TAFA5: variants seen among roughly 807,000 people sequenced by gnomAD.
TAFA5 encodes chemokine-like protein TAFA-5.
A neutral mutation model predicts 15.3 loss-of-function variants in TAFA5; 6 were observed. The ratio of observed to expected loss-of-function variants is 0.39; its 90% confidence interval spans 0.21 to 0.77. The LOEUF (loss-of-function observed/expected upper bound fraction) is 0.77, where lower values mean the gene tolerates loss of function less well. TAFA5 is among the 30% of genes least tolerant of loss of function. The pLI, the probability that TAFA5 is intolerant of heterozygous loss-of-function variation, is 0.41. For synonymous variants in TAFA5, 103 were observed against 80.7 expected (o/e 1.28, Z -1.48); for missense variants, 161 against 193.1 (o/e 0.83, Z 0.98).
At chr22:48,677,024 C>A (rs1292076113) in intron 2 of TAFA5, among the ~76,000 whole-genome samples, 1 of 152,222 alleles carries the variant, frequency 6.6e-6, no homozygotes, top group South Asian at 2.1e-4. Flanking sequence ...GTGGAGGACG[C>A]CCCTGCCTGG....
intron 3 of TAFA5, among the ~76,000 whole-genome samples, chr22:48,721,904 G>A (rs1929580179): frequency 6.6e-6 from 1 of 152,170 alleles, no homozygotes; most frequent in Non-Finnish European, 1.5e-5. Flanking sequence ...TTGAACCTAG[G>A]AGGCGGAGGC....
intron 1 of TAFA5, among the ~76,000 whole-genome samples, chr22:48,596,895 A>C (rs559277282): frequency 6.6e-6 from 1 of 152,182 alleles, no homozygotes; most frequent in East Asian, 1.9e-4. Flanking sequence ...TGCAGCCTTC[A>C]CCTCCCAGCT....
chr22:48,595,440 C>A (rs746995135), intron 1 of TAFA5, among the ~76,000 whole-genome samples: 2 of 152,190 alleles, frequency 1.3e-5, no homozygotes, highest in Non-Finnish European at 2.9e-5. Context: ...TGGAAGAGGT[C>A]GGGGAAGTGG....
chr22:48,491,120 C>T (rs1388534747), intron 1 of TAFA5, among the ~76,000 whole-genome samples: 4 of 152,202 alleles, frequency 2.6e-5, no homozygotes, highest in African/African-American at 9.6e-5. Flanking sequence ...ACGAGGCCAC[C>T]GTGGGTGCGC....
In TAFA5 at chr22:48,708,514, C is replaced by T. The variant is rs181157404; in HGVS notation, c.390+670C>T. On this transcript the variant is annotated intron_variant, in intron 3 of 3. Transcript: ENST00000402357. Reference sequence around the variant, plus strand: ...GAAGGCGGCGCCTCCAGGCATGCCACGGATGCTGAGGCGGTTTCCCCTGCA... The same window carrying T: ...GAAGGCGGCGCCTCCAGGCATGCCATGGATGCTGAGGCGGTTTCCCCTGCA... Among the ~76,000 whole-genome samples, 842 of 152,312 alleles carry T rather than the reference C, an allele frequency of 5.5e-3. 3 individuals carry two copies. Among genetic ancestry groups the T allele is most frequent in the Non-Finnish European group, 9.4e-3 (639 of 68,024 alleles).
chr22:48,668,678 G>T (rs1218520001), intron 2 of TAFA5, among the ~76,000 whole-genome samples: 3 of 130,752 alleles, frequency 2.3e-5, no homozygotes, highest in African/African-American at 9.2e-5. Flanking sequence ...ACCGGGAGCT[G>T]TAATCCCCCA....
chr22:48,681,254 C>T (rs545677899), intron 2 of TAFA5, among the ~76,000 whole-genome samples: 14 of 152,230 alleles, frequency 9.2e-5, no homozygotes, highest in Admixed American at 8.5e-4. Flanking sequence ...AGTTTCCCCC[C>T]AATTAGGAGA....
At chr22:48,596,243 C>T (rs970890773) in intron 1 of TAFA5, among the ~76,000 whole-genome samples, 2 of 152,334 alleles carry the variant, frequency 1.3e-5, no homozygotes, top group South Asian at 2.1e-4. Flanking sequence ...TGAAGAGACG[C>T]GGCCTTCTGG....
rs572277772 is a variant in TAFA5 at position 48,717,345 on chromosome 22, GACATCCCAGGAGGAGCCCTGC to G, written c.390+9525_390+9545del. Among the ~76,000 whole-genome samples, 83 of 152,268 alleles carry G rather than the reference GACATCCCAGGAGGAGCCCTGC, an allele frequency of 5.5e-4. 1 individual carries two copies. Among genetic ancestry groups the G allele is most frequent in the Middle Eastern group, 6.8e-3 (2 of 294 alleles). On this transcript the variant is annotated intron_variant, in intron 3 of 3. Transcript: ENST00000402357. ...GCAGGAAGAACAGGCTCCAGCCCTG[GACATCCCAGGAGGAGCCCTGC>G]ACATCCCAGGAGGAGCCCTGCACGT...
chr22:48,507,236 TCATCAAGGGCCAGGTGTGCAGTTGGA>T (rs2147099204), intron 1 of TAFA5, among the ~76,000 whole-genome samples: 1 of 109,258 alleles, frequency 9.2e-6, no homozygotes, highest in African/African-American at 4.0e-5. Context: ...AAGGAGACAG[TCATCAAGGGCCAGGTGTGCAGTTGGA>T]GGAGAAGGAG....
intron 1 of TAFA5, among the ~76,000 whole-genome samples, chr22:48,507,744 G>A (rs1028204639): frequency 6.6e-6 from 1 of 152,148 alleles, no homozygotes; most frequent in Admixed American, 6.5e-5. Context: ...GACCGGGACT[G>A]CCCCTAGGGG....
chr22:48,642,762 G>A (rs753759630), intron 1 of TAFA5, among the ~76,000 whole-genome samples: 1 of 152,178 alleles, frequency 6.6e-6, no homozygotes, highest in Non-Finnish European at 1.5e-5. Flanking sequence ...TGTTTGGTCA[G>A]TGTGTGGTAT....
chr22:48,666,301 G>A (rs560740556), intron 2 of TAFA5, among the ~76,000 whole-genome samples: 16 of 152,316 alleles, frequency 1.1e-4, no homozygotes, highest in South Asian at 4.1e-4. Flanking sequence ...TTGTTCTACA[G>A]TGTCTGATGG....
chr22:48,521,700 T>G (rs749157019), intron 1 of TAFA5, among the ~76,000 whole-genome samples: 92 of 152,026 alleles, frequency 6.1e-4, no homozygotes, highest in Non-Finnish European at 9.3e-4. Flanking sequence ...ATCCGTTAGG[T>G]GTAAAAGGTA....
chr22:48,698,759 C>A (rs149517809), intron 2 of TAFA5, among the ~76,000 whole-genome samples: 26,005 of 63,770 alleles, frequency 0.41, 2,525 homozygotes, highest in Middle Eastern at 0.45. Context: ...CCTTCCGCAG[C>A]CTCGGGGTGC....
intron 1 of TAFA5, among the ~76,000 whole-genome samples, chr22:48,499,364 G>C (rs927801898): frequency 1.3e-5 from 2 of 152,176 alleles, no homozygotes; most frequent in Non-Finnish European, 2.9e-5. Context: ...CCCCAAGTGT[G>C]ATTTTTGGAG....
intron 1 of TAFA5, among the ~76,000 whole-genome samples, chr22:48,643,642 G>T (rs1343605840): frequency 6.6e-6 from 1 of 152,230 alleles, no homozygotes; most frequent in East Asian, 1.9e-4. Flanking sequence ...TGGCGGCTTA[G>T]TGACTAGGCT....
chr22:48,623,280 G>A (rs9628511), intron 1 of TAFA5, among the ~76,000 whole-genome samples: 2 of 141,284 alleles, frequency 1.4e-5, no homozygotes, highest in Non-Finnish European at 3.1e-5. Flanking sequence ...GGGACGGGAC[G>A]TGTCGCGTGG....
At chr22:48,645,303 A>G (rs1357394629) in intron 1 of TAFA5, among the ~76,000 whole-genome samples, 3 of 152,042 alleles carry the variant, frequency 2.0e-5, no homozygotes, top group Non-Finnish European at 2.9e-5. Flanking sequence ...GTCAGTGTTA[A>G]TATTTGGCTG....
Sources: gnomAD v4.1 joint callset for allele counts (sites outside exome capture counted in the v4.1 genomes callset) on GRCh38, gnomAD v4.1.1 for gene constraint, MANE v1.5 for transcripts, NCBI Gene and HGNC (gene_info 2026-07-23, HGNC 2026-07-21) for gene names.